KCNMA1: variants seen among roughly 807,000 people sequenced by gnomAD.
The protein encoded by KCNMA1 is Calcium-activated potassium channel subunit alpha-1.
KCNMA1 carries 29 observed loss-of-function variants against 140.0 expected under a neutral mutation model. The observed-to-expected ratio is 0.21, with a 90% CI of 0.15 to 0.28. The LOEUF is 0.28. KCNMA1 is among the 10% of genes least tolerant of loss of function. The probability of loss-of-function intolerance (pLI) is 1.00; values close to 1 mark genes in which losing one functional copy is unlikely to be tolerated. For synonymous variants in KCNMA1, 612 were observed against 611.9 expected (o/e 1.00, Z 0.00); for missense variants, 880 against 1,602.2 (o/e 0.55, Z 7.70).
At chr10:77,457,804 T>C (rs2097785187) in intron 1 of KCNMA1, among the ~76,000 whole-genome samples, 1 of 152,144 alleles carries the variant, frequency 6.6e-6, no homozygotes, top group Non-Finnish European at 1.5e-5. Flanking sequence ...GTCAAGAAGA[T>C]GGAGGGGCTG....
chr10:77,114,837 T>C (rs557911101), intron 6 of KCNMA1, among the ~76,000 whole-genome samples: 2 of 152,246 alleles, frequency 1.3e-5, no homozygotes, highest in African/African-American at 2.4e-5. Context: ...TTCTAGCTCT[T>C]GCATTTTCCC....
At chr10:77,340,595 A>G (rs1460723796) in intron 2 of KCNMA1, among the ~76,000 whole-genome samples, 1 of 152,114 alleles carries the variant, frequency 6.6e-6, no homozygotes, top group Non-Finnish European at 1.5e-5. Context: ...CGTCATTCTC[A>G]GCAAACTATC....
intron 15 of KCNMA1, among the ~76,000 whole-genome samples, chr10:77,031,745 T>C (rs892126705): frequency 6.6e-6 from 1 of 152,210 alleles, no homozygotes; most frequent in Non-Finnish European, 1.5e-5. Context: ...GGGGAGCTGG[T>C]GTGGTAATCA....
chr10:77,503,861 G>T (rs527591523), intron 1 of KCNMA1, among the ~76,000 whole-genome samples: 1 of 152,314 alleles, frequency 6.6e-6, no homozygotes, highest in African/African-American at 2.4e-5. Flanking sequence ...TTAGCAACAA[G>T]GTATCAAGTG....
At chr10:77,118,806 G>T (rs192670321) in intron 6 of KCNMA1, among the ~76,000 whole-genome samples, 1 of 152,168 alleles carries the variant, frequency 6.6e-6, no homozygotes, top group Non-Finnish European at 1.5e-5. Flanking sequence ...GGCCCCCTAC[G>T]CAGCAAGTTC....
chr10:77,575,778 C>T (rs576169747), intron 1 of KCNMA1, among the ~76,000 whole-genome samples: 6 of 152,362 alleles, frequency 3.9e-5, no homozygotes, highest in Non-Finnish European at 5.9e-5. Flanking sequence ...GAGTTTCCAA[C>T]GTGCAGGTGC....
intron 2 of KCNMA1, among the ~76,000 whole-genome samples, chr10:77,282,245 A>G (rs559449005): frequency 6.6e-6 from 1 of 152,258 alleles, no homozygotes; most frequent in South Asian, 2.1e-4. Flanking sequence ...GGTACCTGTC[A>G]TGGCCTTGAC....
At chr10:77,531,255 T>C (rs2057539765) in intron 1 of KCNMA1, among the ~76,000 whole-genome samples, 1 of 152,190 alleles carries the variant, frequency 6.6e-6, no homozygotes, top group Admixed American at 6.5e-5. Context: ...TTGTAAATAA[T>C]GCCAATGACC....
chr10:77,529,024 C>G (rs552603393), intron 1 of KCNMA1, among the ~76,000 whole-genome samples: 1 of 152,180 alleles, frequency 6.6e-6, no homozygotes, highest in African/African-American at 2.4e-5. Flanking sequence ...GATGGTTGAA[C>G]AGAATTCTGG....
intron 23 of KCNMA1, among the ~76,000 whole-genome samples, chr10:76,937,385 T>C (rs533150710): frequency 2.0e-5 from 3 of 152,342 alleles, no homozygotes; most frequent in East Asian, 1.9e-4. Context: ...CTGCTTCAAA[T>C]CTTCACAGCT....
At chr10:77,555,967 G>A (rs843835) in intron 1 of KCNMA1, among the ~76,000 whole-genome samples, 44,170 of 152,064 alleles carry the variant, frequency 0.29, 7,221 homozygotes, top group African/African-American at 0.44. Flanking sequence ...CTATAAAGCA[G>A]CAATTGCAAA....
At position 77,083,816 on chromosome 10, in the gene KCNMA1, T is replaced by C. The variant is rs538456050; in HGVS notation, c.1523+821A>G. Among the ~76,000 whole-genome samples, 7 of 126,570 alleles carry C rather than the reference T, an allele frequency of 5.5e-5. No individual in the cohort carries two copies. In the South Asian group the frequency reaches 1.9e-3, roughly 35 times the overall value. 83.0% of individuals were successfully genotyped at this position (126,570 alleles called of 152,430 possible). A position where few individuals can be genotyped will look rare whatever the true frequency, so the allele number is the denominator to read the frequency against. ...AGTCCCTGCACTCCAGCCTGGGCGATAGTGCGAGACTCTGTCTCTATGAAA... is the reference window on the plus strand; with the variant it reads ...AGTCCCTGCACTCCAGCCTGGGCGACAGTGCGAGACTCTGTCTCTATGAAA... On this transcript the variant is annotated intron_variant, in intron 12 of 27. Coordinates refer to ENST00000286628, the MANE Select transcript of KCNMA1 (RefSeq NM_001161352.2).
intron 1 of KCNMA1, among the ~76,000 whole-genome samples, chr10:77,611,136 C>A (rs896767242): frequency 2.0e-5 from 3 of 152,342 alleles, no homozygotes; most frequent in African/African-American, 7.2e-5. Flanking sequence ...CCTTTCCAAA[C>A]TTCCACCTTC....
intron 15 of KCNMA1, among the ~76,000 whole-genome samples, chr10:77,032,075 T>C (rs1432635855): frequency 6.6e-6 from 1 of 152,156 alleles, no homozygotes; most frequent in Non-Finnish European, 1.5e-5. Flanking sequence ...AAAGTAGTGA[T>C]ATGCTCTGGG....
intron 5 of KCNMA1, among the ~76,000 whole-genome samples, 192 bp from the exon 6 acceptor site, chr10:77,121,240 C>T (rs753756357): frequency 6.6e-6 from 1 of 152,164 alleles, no homozygotes; most frequent in African/African-American, 2.4e-5. Context: ...GGGAAATGGA[C>T]TTTCTCTTTA....
At chr10:77,632,066 C>A (rs888144069) in intron 1 of KCNMA1, among the ~76,000 whole-genome samples, 10 of 152,204 alleles carry the variant, frequency 6.6e-5, no homozygotes, top group Admixed American at 6.5e-4. Context: ...CTGCACAGCA[C>A]CCCTGACACT....
At chr10:77,251,641 C>T (rs1190429736) in intron 2 of KCNMA1, among the ~76,000 whole-genome samples, 1 of 152,110 alleles carries the variant, frequency 6.6e-6, no homozygotes, top group East Asian at 1.9e-4. Context: ...GCAGGAACTC[C>T]AATAGAGGAA....
chr10:77,277,281 C>A (rs575173983), intron 2 of KCNMA1, among the ~76,000 whole-genome samples: 15 of 152,308 alleles, frequency 9.8e-5, no homozygotes, highest in Admixed American at 9.1e-4. Context: ...GGCCTCAGCT[C>A]CCTGGGGTTC....
At chr10:77,243,142 C>T (rs1470827365) in intron 3 of KCNMA1, among the ~76,000 whole-genome samples, 2 of 152,110 alleles carry the variant, frequency 1.3e-5, no homozygotes, top group African/African-American at 2.4e-5. Flanking sequence ...GAAGAGTTCA[C>T]ATCTCCTCCA....
Sources: gnomAD v4.1 joint callset for allele counts (sites outside exome capture counted in the v4.1 genomes callset) on GRCh38, gnomAD v4.1.1 for gene constraint, MANE v1.5 for transcripts, NCBI Gene and HGNC (gene_info 2026-07-23, HGNC 2026-07-21) for gene names.